Variants in NCS1 observed in about 807,000 individuals in gnomAD.
NCS1 encodes neuronal calcium sensor 1, also known as frequenin homolog.
Under a neutral mutation model 28.4 loss-of-function variants are expected in NCS1, and 6 were observed. That is an observed-to-expected ratio of 0.21 (90% CI 0.12 to 0.42). The LOEUF is 0.42. NCS1 is among the 10% of genes least tolerant of loss of function. The pLI, the probability that NCS1 is intolerant of heterozygous loss-of-function variation, is 1.00. For missense variants in NCS1, 131 were observed against 241.4 expected (o/e 0.54, Z 3.03); for synonymous variants, 86 against 99.3 (o/e 0.87, Z 0.79).
At chr9:130,200,885 C>A in intron 1 of NCS1, 73 bp from the exon 2 acceptor site, 1 of 1,597,218 alleles carries the variant, frequency 6.3e-7, no homozygotes, top group Non-Finnish European at 8.6e-7. Context: ...GGGAGGCCCC[C>A]CAGCGAATGT....
chr9:130,225,049 G>C (rs531726522), intron 6 of NCS1, among the ~76,000 whole-genome samples: 2 of 152,038 alleles, frequency 1.3e-5, no homozygotes, highest in African/African-American at 2.4e-5. Flanking sequence ...AAAATTAGCC[G>C]GGTGTGGTGG....
At chr9:130,223,767 G>T (rs1322271400) in intron 6 of NCS1, among the ~76,000 whole-genome samples, 1 of 152,062 alleles carries the variant, frequency 6.6e-6, no homozygotes, top group Non-Finnish European at 1.5e-5. Flanking sequence ...TTAGAGGTTA[G>T]TAAAAAAAGG....
rs1181962526 is a variant in NCS1 at position 130,234,406 on chromosome 9, C to A, written c.*1434C>A. ...GAGGCAGGTGCGGCCCCAGGACCAT[C>A]ACCAGGAATGCGAGGCCACCCTGGA... is the stretch of plus-strand genomic sequence containing the variant. On this transcript the variant is annotated 3_prime_UTR_variant, in exon 8 of 8. Transcript: ENST00000372398. This position sits in a 1 kb window ranked among gnomAD's most constrained non-coding sequence, Gnocchi z 6.1. 6.6e-6 allele frequency: 1 copy of A among 152,330 alleles called. No individual in the cohort carries two copies. Among genetic ancestry groups the A allele is most frequent in the Non-Finnish European group, 1.5e-5 (1 of 68,140 alleles). 9.4% of individuals were successfully genotyped at this position (152,330 alleles called of 1,614,324 possible). A position where few individuals can be genotyped will look rare whatever the true frequency, so the allele number is the denominator to read the frequency against.
chr9:130,180,880 G>A lies in NCS1; in HGVS notation c.64+8153G>A, dbSNP rs112237477. On this transcript the variant is annotated intron_variant, in intron 1 of 7. Transcript: ENST00000372398. The surrounding 1 kb of genome is among the most constrained non-coding windows in gnomAD (Gnocchi z 4.5). ...ACATGGAGGGCCTCTGTGGTGGCCC[G>A]GCTGGGTTGGTGGCCGGATTGTTCT... is the stretch of plus-strand genomic sequence containing the variant. Among the ~76,000 whole-genome samples the A allele has an allele frequency of 3.7e-4, 56 of 152,206 alleles. No homozygotes were observed. The highest frequency in any genetic ancestry group is 1.3e-3 in the African/African-American group (53 of 41,446).
chr9:130,189,874 AAAAAAATATATAT>A (rs1189709075), intron 1 of NCS1, among the ~76,000 whole-genome samples: 105 of 97,306 alleles, frequency 1.1e-3, no homozygotes, highest in Non-Finnish European at 1.4e-3. Context: ...AAAAAAAAAA[AAAAAAATATATAT>A]ATATATATAT....
rs1554909179 is a variant in NCS1 at position 130,215,015 on chromosome 9, GC to G, written c.90-2815del. On this transcript the variant is annotated intron_variant, in intron 2 of 7. Coordinates refer to ENST00000372398, the MANE Select transcript of NCS1 (RefSeq NM_014286.4). This position sits in a 1 kb window ranked among gnomAD's most constrained non-coding sequence, Gnocchi z 4.2. ...GCCCCTGTGAGCCATCTGCAGGGAGGCCTTTGGGTGCCTTTTGTTTTGTCTT... is the reference window on the plus strand; with the variant it reads ...GCCCCTGTGAGCCATCTGCAGGGAGGCTTTGGGTGCCTTTTGTTTTGTCTT... Among the ~76,000 whole-genome samples, 2 of 152,228 alleles carry G rather than the reference GC, an allele frequency of 1.3e-5. No individual in the cohort carries two copies. Among genetic ancestry groups the G allele is most frequent in the Non-Finnish European group, 2.9e-5 (2 of 68,036 alleles).
At chr9:130,172,962 C>T (rs1487477574) in intron 1 of NCS1, among the ~76,000 whole-genome samples, 17 of 151,764 alleles carry the variant, frequency 1.1e-4, no homozygotes, top group Admixed American at 1.1e-3. Flanking sequence ...TCGGCGTGCG[C>T]GGCGCCACCC....
At chr9:130,222,857 T>C in intron 5 of NCS1, 119 bp downstream of exon 5, 1 of 1,105,678 alleles carries the variant, frequency 9.0e-7, no homozygotes, top group South Asian at 1.3e-5. Flanking sequence ...CAGGGGTCAC[T>C]GGCTGAGCCG....
Position 130,181,821 on chromosome 9 carries a change from G to A in NCS1, c.64+9094G>A, listed in dbSNP as rs1219656414. ...GGCACGCTCCGAGCGTGAGTGACGG[G>A]GTCATGGCGTGTGTCAGGAGTGGGT... On this transcript the variant is annotated intron_variant, in intron 1 of 7. Transcript: ENST00000372398. The surrounding 1 kb of genome is among the most constrained non-coding windows in gnomAD (Gnocchi z 5.0). Among the ~76,000 whole-genome samples the A allele has an allele frequency of 1.3e-5, 2 of 152,170 alleles. No individual in the cohort carries two copies. The highest frequency in any genetic ancestry group is 4.8e-5 in the African/African-American group (2 of 41,438).
Position 130,226,421 on chromosome 9 carries a change from C to G in NCS1, c.507C>G (p.Phe169Leu). Residue 169 changes from phenylalanine (F) to leucine (L), a missense_variant, in exon 7 of 8, where the codon TTC (phenylalanine) becomes TTG (leucine). By Grantham distance (22) the Phe-to-Leu change is conservative (BLOSUM62 0). Coordinates refer to ENST00000372398, the MANE Select transcript of NCS1 (RefSeq NM_014286.4). This position sits in a 1 kb window ranked among gnomAD's most constrained non-coding sequence, Gnocchi z 4.8. ...NADGKLTLQE[F>L]QEGSKADPSI... is the part of the protein sequence containing the mutation. The stretch of plus-strand genomic sequence containing the variant: ...ACGGGAAGCTGACCCTGCAGGAGTT[C>G]CAGGAGGGTTCCAAGGCAGACCCGT... 6.2e-7 allele frequency: 1 copy of G among 1,614,166 alleles called. No individual in the cohort carries two copies. The highest frequency in any genetic ancestry group is 8.5e-7 in the Non-Finnish European group (1 of 1,180,014).
At chr9:130,182,058 G>A (rs1554905183) in intron 1 of NCS1, among the ~76,000 whole-genome samples, 1 of 151,990 alleles carries the variant, frequency 6.6e-6, no homozygotes, top group Non-Finnish European at 1.5e-5. Context: ...ATTGTGGTTG[G>A]GGGGAGATGA....
intron 4 of NCS1, among the ~76,000 whole-genome samples, chr9:130,221,377 C>CATAT (rs370084084): frequency 5.9e-5 from 5 of 84,718 alleles, no homozygotes; most frequent in African/African-American, 2.3e-4. Context: ...TATAAAATAT[C>CATAT]ATATATATAT....
In NCS1 at chr9:130,187,399, G is replaced by A. The variant is rs552521068; in HGVS notation, c.65-13559G>A. ...GGTCAGGGCCGAGCCTCCACCCTCC[G>A]CTCTTAAAGGGCCAGAGCCGGAGTC... On this transcript the variant is annotated intron_variant, in intron 1 of 7. Transcript: ENST00000372398. Among the ~76,000 whole-genome samples, 26 of 152,222 alleles carry A rather than the reference G, an allele frequency of 1.7e-4. No homozygotes were observed. The East Asian group carries it at 4.8e-3, about 28-fold the overall frequency.
chr9:130,218,957 G>A (rs1833229561), intron 3 of NCS1, among the ~76,000 whole-genome samples: 1 of 152,232 alleles, frequency 6.6e-6, no homozygotes, highest in African/African-American at 2.4e-5. Flanking sequence ...TACCCATTTT[G>A]TAGGTCAGGA....
rs143904009 is a variant in NCS1 at position 130,217,646 on chromosome 9, G to A, written c.90-186G>A. ...AGGAGAGGTGAAGTCTGTATCCAAG[G>A]TCACACTGCTAGTGAGAGGCAGAGG... On this transcript the variant is annotated intron_variant, in intron 2 of 7. Transcript: ENST00000372398. Among the ~76,000 whole-genome samples the A allele has an allele frequency of 2.4e-3, 365 of 152,284 alleles. 1 individual carries two copies. Among genetic ancestry groups the A allele is most frequent in the African/African-American group, 8.3e-3 (347 of 41,562 alleles).
Position 130,228,371 on chromosome 9 carries a change from G to T in NCS1, c.*17+1867G>T, listed in dbSNP as rs193034339. Among the ~76,000 whole-genome samples, 684 of 151,050 alleles carry T rather than the reference G, an allele frequency of 4.5e-3. 6 individuals carry two copies. The highest frequency in any genetic ancestry group is 0.015 in the African/African-American group (619 of 41,046). On this transcript the variant is annotated intron_variant, in intron 7 of 7. Transcript: ENST00000372398. ...ATTTAAAAAAAAAAGTGTTTTTTTT[G>T]TTTGTTTGTTTTGTTTTGTTTTTTT... is the stretch of plus-strand genomic sequence containing the variant.
intron 1 of NCS1, chr9:130,200,533 T>C: frequency 1.3e-6 from 2 of 1,548,002 alleles, no homozygotes; most frequent in African/African-American, 1.4e-5. Flanking sequence ...CCCCCCCACA[T>C]AGGTGGGGCA....
In NCS1 at chr9:130,235,719, GC is replaced by G. The variant is rs1554912944; in HGVS notation, c.*2752del. 1.3e-5 allele frequency: 2 copies of G among 152,670 alleles called. No individual in the cohort carries two copies. Among genetic ancestry groups the G allele is most frequent in the Admixed American group, 1.3e-4 (2 of 15,294 alleles). The allele number at this position is 152,670 out of a possible 1,614,324, so 9.5% of individuals were successfully genotyped here. A position where few individuals can be genotyped will look rare whatever the true frequency, so the allele number is the denominator to read the frequency against. On this transcript the variant is annotated 3_prime_UTR_variant, in exon 8 of 8. Transcript: ENST00000372398. ...GTTTGCCTGGCAGGGACCGATCTCT[GC>G]CCCCTCCTCTCCCCAGGCCTCTGGC...
rs1056536479 is a variant in NCS1 at position 130,215,749 on chromosome 9, C to T, written c.90-2083C>T. Reference sequence around the variant, plus strand: ...AGGCCTGTGGTTCCTGAGCCAGGACCTACCTCCCTGGGCCTCTGGCACCCT... The same window carrying T: ...AGGCCTGTGGTTCCTGAGCCAGGACTTACCTCCCTGGGCCTCTGGCACCCT... On this transcript the variant is annotated intron_variant, in intron 2 of 7. Coordinates refer to ENST00000372398, the MANE Select transcript of NCS1 (RefSeq NM_014286.4). This position sits in a 1 kb window ranked among gnomAD's most constrained non-coding sequence, Gnocchi z 4.2. 2.0e-5 allele frequency among the ~76,000 whole-genome samples: 3 copies of T among 152,178 alleles called. No homozygotes were observed. Among genetic ancestry groups the T allele is most frequent in the East Asian group, 1.9e-4 (1 of 5,186 alleles).
Sources: gnomAD v4.1 joint callset for allele counts (sites outside exome capture counted in the v4.1 genomes callset) on GRCh38, gnomAD v4.1.1 for gene constraint, Gnocchi (gnomAD v3.1) non-coding constraint, MANE v1.5 for transcripts, NCBI Gene and HGNC (gene_info 2026-07-23, HGNC 2026-07-21) for gene names.